Variants in MACF1 observed in about 807,000 individuals in gnomAD.
MACF1 encodes the protein microtubule actin crosslinking factor 1, also known as microtubule-actin cross-linking factor 1.
MACF1 carries 193 observed loss-of-function variants against 854.8 expected under a neutral mutation model. That is an observed-to-expected ratio of 0.23 (90% CI 0.20 to 0.25). MACF1 has a LOEUF of 0.25. MACF1 is among the 10% of genes least tolerant of loss of function. MACF1 has a pLI of 1.00. For missense variants in MACF1, 7,722 were observed against 8,929.1 expected (o/e 0.86, Z 5.45); for synonymous variants, 3,185 against 3,226.7 (o/e 0.99, Z 0.44).
rs552863738 is a variant in MACF1 at position 39,089,644 on chromosome 1, A to G, written c.220+5206A>G. Among the ~76,000 whole-genome samples, 17 of 152,270 alleles carry G rather than the reference A, an allele frequency of 1.1e-4. No individual in the cohort carries two copies. In the South Asian group the frequency reaches 3.5e-3, roughly 32 times the overall value. On this transcript the variant is annotated intron_variant, in intron 2 of 93. Coordinates refer to the MACF1 transcript ENST00000361689. ...AGCTGGAGCTTACTCCTCTGGGCCCATGTGTCTCTCCTCCAAGTTGGGAGC... is the reference window on the plus strand; with the variant it reads ...AGCTGGAGCTTACTCCTCTGGGCCCGTGTGTCTCTCCTCCAAGTTGGGAGC...
intron 54 of MACF1, 45 bp from the exon 55 acceptor site, chr1:39,380,199 T>C (rs1569806128): frequency 6.3e-7 from 1 of 1,598,372 alleles, no homozygotes; most frequent in Non-Finnish European, 8.5e-7. Flanking sequence ...ACAACTTTGT[T>C]TCCTGTCCAG....
intron 97 of MACF1, among the ~76,000 whole-genome samples, chr1:39,473,329 C>T (rs1644812773): frequency 1.3e-5 from 2 of 152,188 alleles, no homozygotes; most frequent in Admixed American, 1.3e-4. Context: ...TAGAATTAAA[C>T]AGGTCCTCAG....
intron 71 of MACF1, among the ~76,000 whole-genome samples, chr1:39,439,036 T>C (rs1163827226): frequency 1.3e-5 from 2 of 151,046 alleles, no homozygotes; most frequent in South Asian, 2.1e-4. Context: ...TGAGCCAAGA[T>C]TGCGCCACTG....
At chr1:39,153,660 C>A (rs1643627113) in intron 2 of MACF1, among the ~76,000 whole-genome samples, 1 of 152,194 alleles carries the variant, frequency 6.6e-6, no homozygotes, top group Admixed American at 6.5e-5. Flanking sequence ...GCCAGACCTA[C>A]ACTTAATTTC....
rs189258575 is a variant in MACF1, at chr1:39,456,821, C to T, written c.21076-1549C>T. On this transcript the variant is annotated intron_variant, in intron 89 of 100. Coordinates refer to ENST00000564288, the MANE Select transcript of MACF1 (RefSeq NM_001394062.1). The stretch of plus-strand genomic sequence containing the variant: ...CCAAGTCCCTGTGGTCTGGCTGACA[C>T]TGTTCTGGTCACATTCTACTGGCTA... The T allele has an allele frequency of 2.0e-5, 3 of 152,366 alleles. No individual in the cohort carries two copies. The East Asian group carries it at 5.8e-4, about 29-fold the overall frequency. 9.4% of individuals were successfully genotyped at this position (152,366 alleles called of 1,614,324 possible). A position where few individuals can be genotyped will look rare whatever the true frequency, so the allele number is the denominator to read the frequency against.
intron 98 of MACF1, 96 bp downstream of exon 98, chr1:39,480,105 A>G (rs1328583213): frequency 8.8e-7 from 1 of 1,135,404 alleles, no homozygotes; most frequent in Non-Finnish European, 1.3e-6. Flanking sequence ...AGTGAGGAGA[A>G]GAAATAAAAA....
At chr1:39,242,373 C>G (rs1428408846) in intron 2 of MACF1, among the ~76,000 whole-genome samples, 2 of 149,656 alleles carry the variant, frequency 1.3e-5, no homozygotes, top group Non-Finnish European at 3.0e-5. Flanking sequence ...AAGCAGACAG[C>G]AGACCCCTCC....
At chr1:39,449,556 G>T (rs1040605835) in intron 84 of MACF1, among the ~76,000 whole-genome samples, 1 of 151,838 alleles carries the variant, frequency 6.6e-6, no homozygotes, top group Admixed American at 6.6e-5. Flanking sequence ...CCGCCACCAC[G>T]CCTGGCTAGT....
In MACF1 at chr1:39,292,753, C is replaced by CT. The variant is rs1557568723; in HGVS notation, c.1915-7dup. 1 of 1,586,628 alleles carries CT rather than the reference C, an allele frequency of 6.3e-7. No homozygotes were observed. Among genetic ancestry groups the CT allele is most frequent in the Non-Finnish European group, 8.6e-7 (1 of 1,160,154 alleles). Reference sequence around the variant, plus strand: ...TTCTCTAATGTATTTTTATTTCATTCTTTTTTAATCAGGGAAAGATGTCCC... The same window carrying CT: ...TTCTCTAATGTATTTTTATTTCATTCTTTTTTTAATCAGGGAAAGATGTCCC... On this transcript the variant is annotated splice_polypyrimidine_tract_variant and intron_variant, in intron 16 of 100. Transcript: ENST00000564288.
At chr1:39,096,800 C>T (rs574783609) in intron 2 of MACF1, among the ~76,000 whole-genome samples, 327 of 151,732 alleles carry the variant, frequency 2.2e-3, no homozygotes, top group Admixed American at 3.5e-3. Flanking sequence ...ACCAGTTTAT[C>T]TGCTTCAGAG....
rs1248846547 is a variant in MACF1 at position 39,435,607 on chromosome 1, T to A, written c.17834T>A (p.Leu5945Gln). The A allele has an allele frequency of 1.2e-6, 2 of 1,614,144 alleles. No homozygotes were observed. The highest frequency in any genetic ancestry group is 4.5e-5 in the East Asian group (2 of 44,888). ...AEHKPHIDKL[L>Q]KIGPQLKELN... ...CACAAACCTCATATTGACAAACTACTAAAGATAGGCCCACAACTAAAGGAA... is the reference window on the plus strand; with the variant it reads ...CACAAACCTCATATTGACAAACTACAAAAGATAGGCCCACAACTAAAGGAA... The change falls in exon 70 of 101, where the codon CTA (leucine) becomes CAA (glutamine). Residue 5945 changes from leucine (L) to glutamine (Q), a missense_variant. Physicochemically the swap from Leu to Gln is moderately radical, Grantham distance 113. Transcript: ENST00000564288.
At chr1:39,341,557 G>A (rs1490720866) in intron 40 of MACF1, among the ~76,000 whole-genome samples, 3 of 151,566 alleles carry the variant, frequency 2.0e-5, no homozygotes, top group African/African-American at 7.3e-5. Flanking sequence ...AATTAGCCGG[G>A]CGGTGTGGCA....
At chr1:39,443,689 C>T (rs1313778502) in intron 79 of MACF1, 115 bp downstream of exon 79, 1 of 1,172,822 alleles carries the variant, frequency 8.5e-7, no homozygotes, top group Non-Finnish European at 1.2e-6. Context: ...GCATTTTTAT[C>T]AAACATATAG....
intron 15 of MACF1, among the ~76,000 whole-genome samples, chr1:39,291,315 G>A (rs1320836463): frequency 6.6e-6 from 1 of 152,132 alleles, no homozygotes; most frequent in African/African-American, 2.4e-5. Flanking sequence ...ACTGTATTCC[G>A]CAGTTCCAAG....
intron 85 of MACF1, among the ~76,000 whole-genome samples, chr1:39,451,517 C>T (rs940614005): frequency 6.6e-6 from 1 of 152,110 alleles, no homozygotes; most frequent in Non-Finnish European, 1.5e-5. Flanking sequence ...ATAAGATAGC[C>T]ATTTCCACTG....
At chr1:39,449,964 ATTC>A (rs1050077384) in intron 84 of MACF1, among the ~76,000 whole-genome samples, 4 of 151,728 alleles carry the variant, frequency 2.6e-5, no homozygotes, top group South Asian at 2.1e-4. Context: ...GGTTCAAGCA[ATTC>A]TTCTTCCTCA....
At chr1:39,214,758 C>T (rs1444817361) in intron 1 of MACF1, among the ~76,000 whole-genome samples, 3 of 152,120 alleles carry the variant, frequency 2.0e-5, no homozygotes, top group Non-Finnish European at 4.4e-5. Flanking sequence ...TCACAGTGGA[C>T]GGTGAGTGTA....
rs1644720443 is a variant in MACF1 at position 39,468,841 on chromosome 1, T to G, written c.21889+109T>G. On this transcript the variant is annotated intron_variant, in intron 96 of 100. Transcript: ENST00000564288. ...GGGGTCTGTCTGTTTTTTATTTTGT[T>G]AAGCTGCCCAGGTGTCATCCCACTA... is the stretch of plus-strand genomic sequence containing the variant. 3 of 1,003,750 alleles carry G rather than the reference T, an allele frequency of 3.0e-6. No individual in the cohort carries two copies. The Admixed American group carries it at 5.7e-5, about 19-fold the overall frequency. The allele number at this position is 1,003,750 out of a possible 1,614,324, so 62.2% of individuals were successfully genotyped here.
chr1:39,112,177 C>A (rs904682513), intron 2 of MACF1, among the ~76,000 whole-genome samples: 1 of 151,688 alleles, frequency 6.6e-6, no homozygotes, highest in Admixed American at 6.6e-5. Flanking sequence ...ACCTCCACCC[C>A]CTGGGTTCAA....
Sources: allele counts gnomAD v4.1 joint callset (sites outside exome capture counted in the v4.1 genomes callset), GRCh38; gene constraint gnomAD v4.1.1; transcripts MANE v1.5; gene names NCBI Gene and HGNC (gene_info 2026-07-23, HGNC 2026-07-21).